PIK3AP1: variants seen among roughly 807,000 people sequenced by gnomAD.
PIK3AP1 encodes phosphoinositide-3-kinase adaptor protein 1, also known as phosphoinositide 3-kinase adapter protein 1.
PIK3AP1 carries 21 observed loss-of-function variants against 88.1 expected under a neutral mutation model. The observed-to-expected ratio is 0.24, with a 90% CI of 0.17 to 0.34. PIK3AP1 has a LOEUF of 0.34. Ranked by LOEUF, PIK3AP1 falls within the 10% of genes least tolerant of loss-of-function variation. The probability of loss-of-function intolerance (pLI) is 1.00; values close to 1 mark genes in which losing one functional copy is unlikely to be tolerated. For missense variants in PIK3AP1, 828 were observed against 1,035.7 expected (o/e 0.80, Z 2.75); for synonymous variants, 398 against 400.0 (o/e 1.00, Z 0.06).
chr10:96,602,362 G>T lies in PIK3AP1; in HGVS notation c.2278C>A (p.Pro760Thr). 1 of 1,612,880 alleles carries T rather than the reference G, an allele frequency of 6.2e-7. No homozygotes were observed. Among genetic ancestry groups the T allele is most frequent in the Non-Finnish European group, 8.5e-7 (1 of 1,179,164 alleles). The stretch of plus-strand genomic sequence containing the variant: ...GTCCCATCCACTTGTGGGGGGCCTG[G>T]ACTGCGACTTCTGGTAACCTCAGGG... ...EVPEVTRSRSPGPPQVDGTPT... is the reference protein window; with the variant it reads ...EVPEVTRSRSTGPPQVDGTPT... The change falls in exon 16 of 17, where the codon CCA becomes ACA. Residue 760 changes from proline to threonine, a missense_variant. By Grantham distance (38) the Pro-to-Thr change is conservative. Coordinates refer to ENST00000339364, the MANE Select transcript of PIK3AP1 (RefSeq NM_152309.3).
intron 2 of PIK3AP1, among the ~76,000 whole-genome samples, chr10:96,690,522 G>A (rs2134273287): frequency 6.6e-6 from 1 of 152,222 alleles, no homozygotes; most frequent in East Asian, 1.9e-4. Context: ...GGCTCCCAAA[G>A]TGCTGGAATT....
At chr10:96,698,306 G>A (rs1589544395) in intron 2 of PIK3AP1, among the ~76,000 whole-genome samples, 1 of 152,122 alleles carries the variant, frequency 6.6e-6, no homozygotes, top group South Asian at 2.1e-4. Context: ...ACAAAGAAGG[G>A]GGGAGTGGGA....
chr10:96,674,053 G>A (rs1034976224), intron 2 of PIK3AP1, among the ~76,000 whole-genome samples: 1 of 152,170 alleles, frequency 6.6e-6, no homozygotes, highest in Non-Finnish European at 1.5e-5. Context: ...TCAAGGCTGG[G>A]TGGAGGTGGG....
intron 4 of PIK3AP1, among the ~76,000 whole-genome samples, chr10:96,652,280 C>A (rs114089822): frequency 0.023 from 3,480 of 152,234 alleles, 49 homozygotes; most frequent in Non-Finnish European, 0.028. Flanking sequence ...TACTCTTTAA[C>A]AAATATCAAA....
chr10:96,638,786 TCA>T (rs1365762977), intron 8 of PIK3AP1, among the ~76,000 whole-genome samples: 1 of 152,234 alleles, frequency 6.6e-6, no homozygotes, highest in Non-Finnish European at 1.5e-5. Context: ...CACAGCACTG[TCA>T]CAGTTTGTGG....
intron 2 of PIK3AP1, among the ~76,000 whole-genome samples, chr10:96,677,624 C>A (rs1164252287): frequency 2.0e-5 from 3 of 148,130 alleles, no homozygotes; most frequent in African/African-American, 5.2e-5. Context: ...CACACACACA[C>A]ACAAAAGGCC....
chr10:96,713,935 A>G (rs1844470268), intron 1 of PIK3AP1, among the ~76,000 whole-genome samples: 2 of 152,140 alleles, frequency 1.3e-5, no homozygotes, highest in Non-Finnish European at 2.9e-5. Flanking sequence ...GCACTTTGGG[A>G]GGCCGAGGCA....
intron 1 of PIK3AP1, among the ~76,000 whole-genome samples, chr10:96,715,036 A>AC (rs1844484709): frequency 6.6e-6 from 1 of 150,938 alleles, no homozygotes; most frequent in African/African-American, 2.4e-5. Flanking sequence ...AAGGGAGAAA[A>AC]AAAAAAGAGT....
intron 2 of PIK3AP1, among the ~76,000 whole-genome samples, chr10:96,706,043 G>A (rs1055644365): frequency 4.0e-5 from 6 of 151,594 alleles, no homozygotes; most frequent in Non-Finnish European, 8.8e-5. Flanking sequence ...ACAGGCGCCC[G>A]CCACCTCGCC....
chr10:96,716,137 C>T (rs1374074301), intron 1 of PIK3AP1, among the ~76,000 whole-genome samples: 1 of 151,868 alleles, frequency 6.6e-6, no homozygotes, highest in Non-Finnish European at 1.5e-5. Context: ...CAAAAATTAG[C>T]CAGGCGTGGT....
chr10:96,687,255 CAAAAAAA>C (rs59631566), intron 2 of PIK3AP1, among the ~76,000 whole-genome samples: 11 of 55,332 alleles, frequency 2.0e-4, no homozygotes, highest in African/African-American at 3.0e-4. Context: ...TACTCCATCT[CAAAAAAA>C]AAAAAAAAAA....
In PIK3AP1 at chr10:96,625,042, C is replaced by T. The variant is rs546791285; in HGVS notation, c.1670-1505G>A. On this transcript the variant is annotated intron_variant, in intron 10 of 16. Transcript: ENST00000339364. ...TATTTGAGAGGTGATGGAGGTGAGA[C>T]GGGGAAGCGGATGGTGCAATGAATG... 2.0e-5 allele frequency among the ~76,000 whole-genome samples: 3 copies of T among 152,254 alleles called. No individual in the cohort carries two copies. In the East Asian group the frequency reaches 5.8e-4, roughly 29 times the overall value.
At chr10:96,718,870 C>T (rs1352008865) in intron 1 of PIK3AP1, among the ~76,000 whole-genome samples, 1 of 152,264 alleles carries the variant, frequency 6.6e-6, no homozygotes, top group South Asian at 2.1e-4. Flanking sequence ...CCACCTACTC[C>T]AGCCACTCTG....
intron 9 of PIK3AP1, 106 bp from the exon 10 acceptor site, chr10:96,627,011 C>A (rs1350879479): frequency 9.2e-7 from 1 of 1,083,238 alleles, no homozygotes; most frequent in Non-Finnish European, 1.4e-6. Context: ...CAGTGCTGCC[C>A]CCTGGCAAAG....
At chr10:96,684,566 C>T (rs556170089) in intron 2 of PIK3AP1, among the ~76,000 whole-genome samples, 2 of 152,290 alleles carry the variant, frequency 1.3e-5, no homozygotes, top group African/African-American at 4.8e-5. Context: ...AGAGGCAGAC[C>T]TATGCCACTG....
Position 96,620,564 on chromosome 10 carries a change from AG to A in PIK3AP1, c.1736-8del, listed in dbSNP as rs1843063102. ...CATGGTCTGACGGGCGGCCCTGGAA[AG>A]GATGGCAAAACTCAGCTTGACAGCT... On this transcript the variant is annotated splice_region_variant and splice_polypyrimidine_tract_variant and intron_variant, in intron 11 of 16. Coordinates refer to ENST00000339364, the MANE Select transcript of PIK3AP1 (RefSeq NM_152309.3). 6.2e-7 allele frequency: 1 copy of A among 1,611,132 alleles called. No individual in the cohort carries two copies. Among genetic ancestry groups the A allele is most frequent in the Non-Finnish European group, 8.5e-7 (1 of 1,178,954 alleles).
At chr10:96,629,942 G>GAAGAAA (rs1843222678) in intron 8 of PIK3AP1, among the ~76,000 whole-genome samples, 4 of 62,486 alleles carry the variant, frequency 6.4e-5, no homozygotes, top group Admixed American at 1.6e-4. Flanking sequence ...AGAAGAAGAA[G>GAAGAAA]AAGAAGAAGA....
chr10:96,632,783 C>T, intron 8 of PIK3AP1: 1 of 1,420,562 alleles, frequency 7.0e-7, no homozygotes, highest in Non-Finnish European at 9.6e-7. Context: ...GATCGCAATG[C>T]ATAGGTTCCA....
intron 2 of PIK3AP1, among the ~76,000 whole-genome samples, chr10:96,700,243 C>A (rs1379437464): frequency 6.6e-6 from 1 of 152,152 alleles, no homozygotes; most frequent in Non-Finnish European, 1.5e-5. Flanking sequence ...GCCGAAGCGG[C>A]AGGAGAGGCC....
Sources: allele counts gnomAD v4.1 joint callset (sites outside exome capture counted in the v4.1 genomes callset), GRCh38; gene constraint gnomAD v4.1.1; transcripts MANE v1.5; gene names NCBI Gene and HGNC (gene_info 2026-07-23, HGNC 2026-07-21).